MAN1A1: variants seen among roughly 807,000 people sequenced by gnomAD.
MAN1A1 encodes mannosidase alpha class 1A member 1, also known as mannosyl-oligosaccharide 1,2-alpha-mannosidase IA.
Under a neutral mutation model 70.8 loss-of-function variants are expected in MAN1A1, and 29 were observed. That is an observed-to-expected ratio of 0.41 (90% CI 0.31 to 0.56). The LOEUF (loss-of-function observed/expected upper bound fraction) is 0.56, where lower values mean the gene tolerates loss of function less well. Among genes scored for constraint, MAN1A1 ranks in the 20% least tolerant of loss-of-function variants. The probability of loss-of-function intolerance (pLI) is 0.29; values close to 1 mark genes in which losing one functional copy is unlikely to be tolerated. For synonymous variants in MAN1A1, 349 were observed against 330.1 expected, an observed-to-expected ratio of 1.06 and a Z score of -0.62; for missense variants, 747 against 841.3, an observed-to-expected ratio of 0.89 and a Z score of 1.39.
chr6:119,313,847 G>C (rs1346964333), intron 2 of MAN1A1, among the ~76,000 whole-genome samples: 1 of 150,944 alleles, frequency 6.6e-6, no homozygotes, highest in Non-Finnish European at 1.5e-5. Context: ...TGAAGGGCCA[G>C]ACAGGAACAG....
chr6:119,298,649 T>C (rs1772293279), intron 4 of MAN1A1, among the ~76,000 whole-genome samples: 1 of 151,360 alleles, frequency 6.6e-6, no homozygotes, highest in Non-Finnish European at 1.5e-5. Flanking sequence ...CAAGCTGGAG[T>C]GCAGTGGTGC....
intron 6 of MAN1A1, among the ~76,000 whole-genome samples, chr6:119,210,521 G>C (rs1774019493): frequency 6.6e-6 from 1 of 152,040 alleles, no homozygotes; most frequent in African/African-American, 2.4e-5. Context: ...TATTGCTGTT[G>C]AGTGCATACT....
At chr6:119,207,219 G>A (rs1373146350) in intron 6 of MAN1A1, among the ~76,000 whole-genome samples, 4 of 151,992 alleles carry the variant, frequency 2.6e-5, no homozygotes, top group Non-Finnish European at 4.4e-5. Flanking sequence ...ATATCAGAAG[G>A]AAAATGGTAC....
intron 11 of MAN1A1, among the ~76,000 whole-genome samples, chr6:119,183,365 G>A (rs1025691680): frequency 1.3e-5 from 2 of 151,658 alleles, no homozygotes; most frequent in Non-Finnish European, 2.9e-5. Context: ...GGATGAGCAT[G>A]AAGAAAGAAA....
intron 11 of MAN1A1, among the ~76,000 whole-genome samples, chr6:119,185,451 AG>A (rs1402295367): frequency 6.6e-6 from 1 of 152,224 alleles, no homozygotes; most frequent in Non-Finnish European, 1.5e-5. Flanking sequence ...GTTAGAAGAT[AG>A]GAAGACGGCT....
At chr6:119,193,692 T>C (rs763021348) in intron 9 of MAN1A1, 85 bp downstream of exon 9, 5 of 812,396 alleles carry the variant, frequency 6.2e-6, no homozygotes, top group Non-Finnish European at 1.0e-5. Context: ...ACTCATGTAG[T>C]ATACCACTTA....
At chr6:119,312,756 AT>A (rs2114461053) in intron 2 of MAN1A1, among the ~76,000 whole-genome samples, 1 of 152,230 alleles carries the variant, frequency 6.6e-6, no homozygotes, top group Admixed American at 6.5e-5. Flanking sequence ...AGAATAACCC[AT>A]TTTAACAAAT....
At chr6:119,206,956 C>T (rs1039846485) in intron 6 of MAN1A1, among the ~76,000 whole-genome samples, 1 of 152,224 alleles carries the variant, frequency 6.6e-6, no homozygotes, top group African/African-American at 2.4e-5. Context: ...CCTTCCAGAT[C>T]TTCAGGGACT....
At chr6:119,199,426 GATGCAACT>G (rs1582689440) in intron 8 of MAN1A1, among the ~76,000 whole-genome samples, 1 of 151,900 alleles carries the variant, frequency 6.6e-6, no homozygotes, top group East Asian at 1.9e-4. Flanking sequence ...GCTTTTCCTT[GATGCAACT>G]ATCATTTTTC....
intron 6 of MAN1A1, among the ~76,000 whole-genome samples, chr6:119,241,981 T>C (rs1775023589): frequency 6.6e-6 from 1 of 150,948 alleles, no homozygotes; most frequent in South Asian, 2.1e-4. Flanking sequence ...TGTATATGTG[T>C]GTGTATATAT....
At position 119,179,464 on chromosome 6, in the gene MAN1A1, T is replaced by C. The variant is rs1773089801; in HGVS notation, c.*355A>G. On this transcript the variant is annotated 3_prime_UTR_variant, in exon 13 of 13. Transcript: ENST00000368468. ...GCTTAAAGCAGACATCATCTCCTCTTAGAGGAGGAAAAAGTTTTGCAGTCA... is the reference window on the plus strand; with the variant it reads ...GCTTAAAGCAGACATCATCTCCTCTCAGAGGAGGAAAAAGTTTTGCAGTCA... 6.2e-6 allele frequency: 1 copy of C among 160,818 alleles called. No homozygotes were observed. Among genetic ancestry groups the C allele is most frequent in the Non-Finnish European group, 1.4e-5 (1 of 72,424 alleles). The allele number at this position is 160,818 out of a possible 1,614,324, so 10.0% of individuals were successfully genotyped here.
intron 2 of MAN1A1, among the ~76,000 whole-genome samples, chr6:119,331,570 C>CATATAT (rs10562938): frequency 0.08 from 9,401 of 117,720 alleles, 461 homozygotes; most frequent in African/African-American, 0.1. Flanking sequence ...ACATATTATG[C>CATATAT]ATATATATAT....
chr6:119,257,420 T>C (rs927165187), intron 5 of MAN1A1, among the ~76,000 whole-genome samples: 1 of 152,158 alleles, frequency 6.6e-6, no homozygotes, highest in Non-Finnish European at 1.5e-5. Flanking sequence ...GTCATCAAGG[T>C]TATGAGAAAT....
intron 5 of MAN1A1, among the ~76,000 whole-genome samples, chr6:119,285,185 T>C (rs1776334560): frequency 6.6e-6 from 1 of 151,452 alleles, no homozygotes; most frequent in African/African-American, 2.4e-5. Context: ...TTTTATTGCC[T>C]GGACTTGTCT....
chr6:119,305,138 T>C (rs1397508388), intron 3 of MAN1A1, among the ~76,000 whole-genome samples: 1 of 152,216 alleles, frequency 6.6e-6, no homozygotes, highest in Non-Finnish European at 1.5e-5. Context: ...GAGCAAGTTC[T>C]TGATTATGAA....
At chr6:119,298,865 G>A (rs181445404) in intron 4 of MAN1A1, among the ~76,000 whole-genome samples, 21 of 151,862 alleles carry the variant, frequency 1.4e-4, no homozygotes, top group Middle Eastern at 3.4e-3. Flanking sequence ...CAAAATGCTG[G>A]GATTACAGGA....
intron 11 of MAN1A1, among the ~76,000 whole-genome samples, chr6:119,187,838 A>G (rs11153795): frequency 0.71 from 108,391 of 152,142 alleles, 40,930 homozygotes; most frequent in Non-Finnish European, 0.83. Context: ...TACTATCCTC[A>G]GCAGGAAGAG....
chr6:119,265,450 A>T (rs1209288504), intron 5 of MAN1A1, among the ~76,000 whole-genome samples: 1 of 152,154 alleles, frequency 6.6e-6, no homozygotes, highest in Non-Finnish European at 1.5e-5. Flanking sequence ...TAAACTAGAG[A>T]TGTATGTAAA....
At chr6:119,256,876 A>G (rs1002297796) in intron 5 of MAN1A1, among the ~76,000 whole-genome samples, 2 of 152,226 alleles carry the variant, frequency 1.3e-5, no homozygotes, top group African/African-American at 4.8e-5. Context: ...TATACGAGAG[A>G]TACATGAGAA....
Sources: allele counts gnomAD v4.1 joint callset (sites outside exome capture counted in the v4.1 genomes callset), GRCh38; gene constraint gnomAD v4.1.1; transcripts MANE v1.5; gene names NCBI Gene and HGNC (gene_info 2026-07-23, HGNC 2026-07-21).